Variants in SPATA1 observed in about 807,000 individuals in gnomAD.
The protein encoded by SPATA1 is spermatogenesis associated 1.
A neutral mutation model predicts 59.6 loss-of-function variants in SPATA1; 57 were observed. The observed-to-expected ratio is 0.96, with a 90% confidence interval of 0.77 to 1.19. The LOEUF (loss-of-function observed/expected upper bound fraction) is 1.19. SPATA1 is among the 50% of genes most tolerant of loss of function. The probability of loss-of-function intolerance (pLI) is 0.00; values close to 1 mark genes in which losing one functional copy is unlikely to be tolerated. For synonymous variants in SPATA1, 147 were observed against 163.9 expected (o/e 0.90, Z 0.79); for missense variants, 448 against 480.7 (o/e 0.93, Z 0.64).
intron 1 of SPATA1, among the ~76,000 whole-genome samples, chr1:84,508,370 G>T (rs1248138777): frequency 1.3e-5 from 2 of 151,802 alleles, no homozygotes; most frequent in African/African-American, 4.8e-5. Flanking sequence ...TGAACTATCT[G>T]TATCTCTTAA....
At chr1:84,526,183 TAAAAAGAAAGCTACAATTCCACTTGGGG>T (rs1243941176) in intron 6 of SPATA1, 110 bp downstream of exon 6, 1 of 859,642 alleles carries the variant, frequency 1.2e-6, no homozygotes, top group African/African-American at 1.7e-5. Flanking sequence ...ATAGGCAGTT[TAAAAAGAAAGCTACAATTCCACTTGGGG>T]ATTTCTAAAA....
At chr1:84,524,056 A>G (rs1165952143) in intron 4 of SPATA1, among the ~76,000 whole-genome samples, 1 of 151,204 alleles carries the variant, frequency 6.6e-6, no homozygotes, top group African/African-American at 2.4e-5. Context: ...AATAAATAAA[A>G]TATCATATTT....
chr1:84,523,722 T>C (rs1294128907), intron 4 of SPATA1, among the ~76,000 whole-genome samples: 1 of 152,190 alleles, frequency 6.6e-6, no homozygotes, highest in Non-Finnish European at 1.5e-5. Flanking sequence ...CAGAGTTCTA[T>C]TTGGTACAAC....
intron 4 of SPATA1, among the ~76,000 whole-genome samples, chr1:84,564,455 G>C (rs991746495): frequency 2.6e-5 from 4 of 151,978 alleles, no homozygotes; most frequent in African/African-American, 9.7e-5. Flanking sequence ...ACTTTTTAGA[G>C]CCTTTAATGT....
chr1:84,544,243 A>G, exon 9 of SPATA1: 1 of 1,600,538 alleles, frequency 6.2e-7, no homozygotes, highest in Non-Finnish European at 8.5e-7. Flanking sequence ...ATCACCCTTC[A>G]CTTCCTTGTC....
chr1:84,564,524 A>G (rs1460499529), intron 4 of SPATA1, among the ~76,000 whole-genome samples: 5 of 152,082 alleles, frequency 3.3e-5, no homozygotes, highest in Non-Finnish European at 7.4e-5. Context: ...TCCCAAACAT[A>G]TTGGTTTATT....
chr1:84,566,033 A>AT (rs771916453), exon 5 of SPATA1: 45 of 1,467,072 alleles, frequency 3.1e-5, no homozygotes, highest in Non-Finnish European at 4.1e-5. Context: ...AAATCTTACT[A>AT]TTTTATGTAA....
chr1:84,563,427 G>A, intron 4 of SPATA1: 1 of 1,481,260 alleles, frequency 6.8e-7, no homozygotes, highest in Non-Finnish European at 8.9e-7. Flanking sequence ...TCCTAGAAAT[G>A]CAAAAGTGCT....
In SPATA1 at chr1:84,563,403, T is replaced by C. The variant is rs369074009; in HGVS notation, n.443-2458T>C. 8 of 1,570,598 alleles carry C rather than the reference T, an allele frequency of 5.1e-6. No homozygotes were observed. In the African/African-American group the frequency reaches 9.7e-5, roughly 19 times the overall value. On this transcript the variant is annotated intron_variant and non_coding_transcript_variant, in intron 4 of 4. Coordinates refer to the SPATA1 transcript ENST00000460286. ...GCCCCCCGGAAAGGGACTTTTGCAA[T>C]GGTACAAACATGATCCTAGAAATGC...
chr1:84,561,184 G>A (rs985708329), intron 4 of SPATA1, among the ~76,000 whole-genome samples: 13 of 152,206 alleles, frequency 8.5e-5, no homozygotes, highest in African/African-American at 2.9e-4. Context: ...ATTCATGCAT[G>A]GGAGGAGGTC....
chr1:84,506,984 T>C (rs1246138434), intron 1 of SPATA1: 1 of 152,210 alleles, frequency 6.6e-6, no homozygotes, highest in Admixed American at 6.5e-5. Flanking sequence ...ATAAAACTTA[T>C]TTTTGTGTTT....
intron 10 of SPATA1, among the ~76,000 whole-genome samples, chr1:84,548,117 A>G (rs1204665925): frequency 6.6e-6 from 1 of 152,228 alleles, no homozygotes; most frequent in Non-Finnish European, 1.5e-5. Flanking sequence ...AATATCCAAA[A>G]TCTTGAGCTA....
At chr1:84,554,802 T>G (rs1025278684), downstream of SPATA1, 2 of 501,460 alleles carry the variant, frequency 4.0e-6, no homozygotes, top group Non-Finnish European at 7.0e-6. Context: ...TAAGTTGACT[T>G]GCTTCTTGCC....
At chr1:84,536,927 T>C (rs1683717647) in intron 8 of SPATA1, among the ~76,000 whole-genome samples, 1 of 149,648 alleles carries the variant, frequency 6.7e-6, no homozygotes, top group Non-Finnish European at 1.5e-5. Flanking sequence ...TTGCCTAGGC[T>C]AGAGTGCAGT....
chr1:84,511,835 C>G (rs777274659), intron 1 of SPATA1, among the ~76,000 whole-genome samples: 22 of 151,966 alleles, frequency 1.4e-4, no homozygotes, highest in Non-Finnish European at 3.1e-4. Context: ...GCATGGGCCA[C>G]CATGCCCGGC....
intron 10 of SPATA1, 131 bp from the exon 11 acceptor site, chr1:84,548,655 G>GAGAGAA: frequency 2.7e-6 from 3 of 1,128,390 alleles, no homozygotes; most frequent in Non-Finnish European, 3.4e-6. Flanking sequence ...AGGAGAAGAG[G>GAGAGAA]AGAGAAAGAG....
chr1:84,532,936 G>C (rs1294089625), exon 7 of SPATA1: 1 of 1,551,618 alleles, frequency 6.4e-7, no homozygotes, highest in Non-Finnish European at 8.7e-7. Context: ...CAGGATCATT[G>C]GAAGATTCAA....
intron 1 of SPATA1, among the ~76,000 whole-genome samples, chr1:84,511,056 T>A (rs1025146185): frequency 6.6e-6 from 1 of 152,106 alleles, no homozygotes; most frequent in Non-Finnish European, 1.5e-5. Context: ...TACAGAAATA[T>A]AAGTTAGATA....
chr1:84,542,272 T>A (rs1683938437), intron 8 of SPATA1, among the ~76,000 whole-genome samples: 1 of 152,126 alleles, frequency 6.6e-6, no homozygotes. Flanking sequence ...TGGGGCCTTT[T>A]GGGGAAATGG....
Sources: gnomAD v4.1 joint callset for allele counts (sites outside exome capture counted in the v4.1 genomes callset) on GRCh38, gnomAD v4.1.1 for gene constraint, MANE v1.5 for transcripts, NCBI Gene and HGNC (gene_info 2026-07-23, HGNC 2026-07-21) for gene names.